Variants in GABRB1 observed in about 807,000 individuals in gnomAD.
GABRB1 encodes the protein gamma-aminobutyric acid receptor subunit beta-1.
A neutral mutation model predicts 51.6 loss-of-function variants in GABRB1; 17 were observed. That is an observed-to-expected ratio of 0.33 (90% CI 0.23 to 0.49). The LOEUF (loss-of-function observed/expected upper bound fraction) is 0.49, where lower values mean the gene tolerates loss of function less well. Ranked by LOEUF, GABRB1 falls within the 20% of genes least tolerant of loss-of-function variation. The pLI, the probability that GABRB1 is intolerant of heterozygous loss-of-function variation, is 0.99. For synonymous variants in GABRB1, 247 were observed against 218.9 expected (o/e 1.13, Z -1.14); for missense variants, 410 against 600.6 (o/e 0.68, Z 3.32).
chr4:47,131,357 C>T (rs2109673143), intron 3 of GABRB1, among the ~76,000 whole-genome samples: 1 of 152,154 alleles, frequency 6.6e-6, no homozygotes, highest in South Asian at 2.1e-4. Context: ...TGGGGTTTCG[C>T]CATGTTGGCA....
chr4:47,208,618 A>G (rs1490079973), intron 4 of GABRB1, among the ~76,000 whole-genome samples: 1 of 152,086 alleles, frequency 6.6e-6, no homozygotes, highest in East Asian at 1.9e-4. Context: ...GCTGTCAAAA[A>G]CAAACCAAAA....
intron 3 of GABRB1, among the ~76,000 whole-genome samples, chr4:47,046,718 G>A (rs185740025): frequency 1.4e-4 from 21 of 152,110 alleles, no homozygotes; most frequent in African/African-American, 5.1e-4. Flanking sequence ...TGTAACAATA[G>A]CAAAGACATG....
intron 3 of GABRB1, among the ~76,000 whole-genome samples, chr4:47,036,031 C>T (rs1407707409): frequency 1.3e-5 from 2 of 152,140 alleles, no homozygotes; most frequent in Non-Finnish European, 2.9e-5. Context: ...AGTCCTGACT[C>T]AATGCAGGAC....
chr4:47,208,761 C>T (rs1220035974), intron 4 of GABRB1, among the ~76,000 whole-genome samples: 1 of 152,052 alleles, frequency 6.6e-6, no homozygotes, highest in Non-Finnish European at 1.5e-5. Flanking sequence ...TTCTGACTGA[C>T]TCTTTTCCTG....
chr4:47,219,878 T>A (rs1430156291), intron 4 of GABRB1, among the ~76,000 whole-genome samples: 1 of 151,964 alleles, frequency 6.6e-6, no homozygotes, highest in Non-Finnish European at 1.5e-5. Flanking sequence ...TTCAGTTCTT[T>A]CAGATTACCA....
intron 3 of GABRB1, among the ~76,000 whole-genome samples, chr4:47,113,580 A>T (rs1715330809): frequency 6.6e-6 from 1 of 152,210 alleles, no homozygotes; most frequent in African/African-American, 2.4e-5. Flanking sequence ...CTTTCAAGCC[A>T]ACTTTGAAGG....
intron 4 of GABRB1, among the ~76,000 whole-genome samples, chr4:47,209,697 T>C (rs1720277615): frequency 1.3e-5 from 2 of 152,046 alleles, no homozygotes; most frequent in Non-Finnish European, 2.9e-5. Context: ...AAAAGCTTGC[T>C]AATTGAATCA....
At position 47,254,361 on chromosome 4, in the gene GABRB1, G is replaced by GGTTTT. The variant is rs1305298443; in HGVS notation, c.462-65766_462-65765insGTTTT. 2.6e-4 allele frequency among the ~76,000 whole-genome samples: 21 copies of GGTTTT among 80,966 alleles called. 4 individuals are homozygous for GGTTTT. In the East Asian group the frequency reaches 2.7e-3, roughly 10 times the overall value. 53.1% of individuals were successfully genotyped at this position (80,966 alleles called of 152,430 possible). A position where few individuals can be genotyped will look rare whatever the true frequency, so the allele number is the denominator to read the frequency against. ...ATGGTGGATGATGTTTCTTTTCTTT[G>GGTTTT]TTTTTTTTTTTTTTTTTTTTTTTTT... is the stretch of plus-strand genomic sequence containing the variant. On this transcript the variant is annotated intron_variant, in intron 4 of 8. Coordinates refer to ENST00000295454, the MANE Select transcript of GABRB1 (RefSeq NM_000812.4).
intron 4 of GABRB1, among the ~76,000 whole-genome samples, chr4:47,197,128 A>G (rs965574888): frequency 1.3e-5 from 2 of 152,224 alleles, no homozygotes; most frequent in Non-Finnish European, 2.9e-5. Context: ...TTCCTCTGGC[A>G]ATGGTTAGAC....
intron 3 of GABRB1, among the ~76,000 whole-genome samples, chr4:47,083,817 C>T (rs1031294697): frequency 2.0e-5 from 3 of 152,002 alleles, no homozygotes; most frequent in African/African-American, 7.3e-5. Context: ...CTGGATTTTC[C>T]CCCAGATCTC....
intron 4 of GABRB1, among the ~76,000 whole-genome samples, chr4:47,215,128 G>C (rs1284398439): frequency 6.6e-6 from 1 of 152,024 alleles, no homozygotes; most frequent in Non-Finnish European, 1.5e-5. Context: ...TAAAAGGAAG[G>C]GGGACACTGT....
At chr4:47,257,248 C>G (rs1243815686) in intron 4 of GABRB1, among the ~76,000 whole-genome samples, 3 of 152,158 alleles carry the variant, frequency 2.0e-5, no homozygotes, top group Admixed American at 6.5e-5. Flanking sequence ...TTCCAGGGAC[C>G]ATATTTTTCC....
chr4:47,018,845 C>T (rs1724827164), intron 1 of GABRB1, among the ~76,000 whole-genome samples: 1 of 152,090 alleles, frequency 6.6e-6, no homozygotes, highest in South Asian at 2.1e-4. Flanking sequence ...TTTGTCATCT[C>T]AGGAATGGCA....
At chr4:47,150,069 T>C (rs575002242) in intron 3 of GABRB1, among the ~76,000 whole-genome samples, 12 of 151,944 alleles carry the variant, frequency 7.9e-5, no homozygotes, top group Admixed American at 4.6e-4. Flanking sequence ...CAGGCTATGG[T>C]CTTATTTTAT....
chr4:47,223,967 AT>A (rs1720857796), intron 4 of GABRB1, among the ~76,000 whole-genome samples: 1 of 152,038 alleles, frequency 6.6e-6, no homozygotes, highest in South Asian at 2.1e-4. Context: ...AATATGACTT[AT>A]TTTTTATTTT....
At chr4:47,033,384 T>C (rs1006378164) in intron 3 of GABRB1, among the ~76,000 whole-genome samples, 2 of 152,216 alleles carry the variant, frequency 1.3e-5, no homozygotes, top group Non-Finnish European at 2.9e-5. Context: ...GTAGGAGTTT[T>C]CTACTTAGAG....
At chr4:47,320,863 G>A (rs1725058960) in intron 5 of GABRB1, among the ~76,000 whole-genome samples, 1 of 150,520 alleles carries the variant, frequency 6.6e-6, no homozygotes, top group Non-Finnish European at 1.5e-5. Flanking sequence ...TCCGCCTCCC[G>A]GGTTCACGCC....
chr4:47,095,813 A>G (rs1714397510), intron 3 of GABRB1, among the ~76,000 whole-genome samples: 2 of 152,222 alleles, frequency 1.3e-5, no homozygotes, highest in Admixed American at 1.3e-4. Flanking sequence ...CATAATCCAT[A>G]AGCCATCGGT....
At chr4:47,338,244 G>A (rs967869374) in intron 5 of GABRB1, among the ~76,000 whole-genome samples, 1 of 152,184 alleles carries the variant, frequency 6.6e-6, no homozygotes, top group African/African-American at 2.4e-5. Flanking sequence ...CTTCCTGGCT[G>A]TATTTATCTA....
Sources: gnomAD v4.1 joint callset for allele counts (sites outside exome capture counted in the v4.1 genomes callset) on GRCh38, gnomAD v4.1.1 for gene constraint, MANE v1.5 for transcripts, NCBI Gene and HGNC (gene_info 2026-07-23, HGNC 2026-07-21) for gene names.